Variants in ADD3 observed in about 807,000 individuals in gnomAD.
The protein encoded by ADD3 is adducin 3.
Under a neutral mutation model 80.2 loss-of-function variants are expected in ADD3, and 25 were observed. The observed-to-expected ratio is 0.31, with a 90% CI of 0.23 to 0.44. The LOEUF is 0.44. Among genes scored for constraint, ADD3 ranks in the 20% least tolerant of loss-of-function variants. ADD3 has a pLI of 1.00. For synonymous variants in ADD3, 284 were observed against 289.6 expected, an observed-to-expected ratio of 0.98 and a Z score of 0.20; for missense variants, 829 against 847.5, an observed-to-expected ratio of 0.98 and a Z score of 0.27.
At chr10:110,038,922 A>G (rs959237897) in intron 1 of ADD3, among the ~76,000 whole-genome samples, 2 of 152,202 alleles carry the variant, frequency 1.3e-5, no homozygotes, top group Non-Finnish European at 2.9e-5. Flanking sequence ...ATGGGCTATA[A>G]TATGTGTAAT....
rs550567016 is a variant in ADD3, at chr10:110,115,777, A to C, written c.335-482A>C. On this transcript the variant is annotated intron_variant, in intron 3 of 14. Coordinates refer to ENST00000356080, the MANE Select transcript of ADD3 (RefSeq NM_016824.5). ...AACAGCTGAACTTGGCAATTAGATC[A>C]TTAGAGACCTTCAAGACCTTCAATA... Among the ~76,000 whole-genome samples the C allele has an allele frequency of 7.9e-4, 121 of 152,366 alleles. 1 individual carries two copies. Among genetic ancestry groups the C allele is most frequent in the African/African-American group, 2.8e-3 (117 of 41,590 alleles).
At chr10:110,007,744 G>A (rs1050114142), upstream of ADD3, among the ~76,000 whole-genome samples, 5 of 152,130 alleles carry the variant, frequency 3.3e-5, no homozygotes, top group East Asian at 7.8e-4. Flanking sequence ...GCGGGGGCGG[G>A]ACCAGGACTC....
rs753037526 is a variant in ADD3, at chr10:110,061,736, C to G, written c.-29-38889C>G. On this transcript the variant is annotated intron_variant, in intron 1 of 14. Coordinates refer to ENST00000356080, the MANE Select transcript of ADD3 (RefSeq NM_016824.5). ...TTTCTAGTCTGAGATACATTCTACA[C>G]TAGACCCATTATAGGATATTAGAAT... Among the ~76,000 whole-genome samples, 6 of 152,190 alleles carry G rather than the reference C, an allele frequency of 3.9e-5. No homozygotes were observed. The South Asian group carries it at 1.2e-3, about 31-fold the overall frequency.
chr10:110,126,932 T>C (rs1291847607), intron 12 of ADD3, among the ~76,000 whole-genome samples: 1 of 152,242 alleles, frequency 6.6e-6, no homozygotes, highest in African/African-American at 2.4e-5. Context: ...ATCTGTGTTA[T>C]CCGTTATAAG....
intron 1 of ADD3, among the ~76,000 whole-genome samples, chr10:110,019,445 C>T (rs924014761): frequency 1.3e-5 from 2 of 151,760 alleles, no homozygotes; most frequent in African/African-American, 2.4e-5. Flanking sequence ...ACCTCCACCT[C>T]CTGGGTTCAC....
chr10:110,054,375 T>G (rs1857880213), intron 1 of ADD3, among the ~76,000 whole-genome samples: 1 of 151,782 alleles, frequency 6.6e-6, no homozygotes, highest in African/African-American at 2.4e-5. Flanking sequence ...TTAGAAGCCC[T>G]AGATTGATAA....
At chr10:110,014,164 AG>A (rs1180305419) in intron 1 of ADD3, among the ~76,000 whole-genome samples, 1 of 152,218 alleles carries the variant, frequency 6.6e-6, no homozygotes, top group Non-Finnish European at 1.5e-5. Context: ...AGGCCTCCCC[AG>A]GGACTTCTAA....
chr10:110,033,410 G>A (rs1028432727), intron 1 of ADD3, among the ~76,000 whole-genome samples: 2 of 152,200 alleles, frequency 1.3e-5, no homozygotes, highest in Non-Finnish European at 2.9e-5. Flanking sequence ...AAGAGAATAT[G>A]TTCATGTCGC....
intron 1 of ADD3, among the ~76,000 whole-genome samples, chr10:110,093,376 G>A (rs530135115): frequency 6.6e-6 from 1 of 152,194 alleles, no homozygotes; most frequent in Admixed American, 6.5e-5. Context: ...GTCCCAACAG[G>A]ATATTTTTCT....
At chr10:110,068,925 A>G (rs1844328494) in intron 1 of ADD3, among the ~76,000 whole-genome samples, 1 of 151,914 alleles carries the variant, frequency 6.6e-6, no homozygotes, top group African/African-American at 2.4e-5. Context: ...AAAAATAGAA[A>G]AATTAGCTGG....
chr10:110,103,398 A>G (rs1376421966), intron 2 of ADD3, among the ~76,000 whole-genome samples: 1 of 152,226 alleles, frequency 6.6e-6, no homozygotes, highest in Non-Finnish European at 1.5e-5. Flanking sequence ...GGCTGCTGTC[A>G]TTTGAACACT....
intron 1 of ADD3, among the ~76,000 whole-genome samples, chr10:110,036,568 C>T (rs962426723): frequency 2.0e-5 from 3 of 151,732 alleles, no homozygotes; most frequent in Admixed American, 2.0e-4. Context: ...TTAGTAGAGA[C>T]GGGGTTTCAC....
chr10:110,004,218 C>T (rs1328085538), upstream of ADD3, among the ~76,000 whole-genome samples: 1 of 151,612 alleles, frequency 6.6e-6, no homozygotes, highest in African/African-American at 2.4e-5. Context: ...TCTTTTAATT[C>T]TCTCCCTGTA....
intron 1 of ADD3, among the ~76,000 whole-genome samples, chr10:110,071,040 G>A (rs908085355): frequency 6.0e-5 from 9 of 149,594 alleles, no homozygotes; most frequent in Non-Finnish European, 4.4e-5. Context: ...AGTGTTTGAA[G>A]CTAAGTGCTT....
At chr10:110,003,149 T>C (rs1197509732), upstream of ADD3, among the ~76,000 whole-genome samples, 1 of 152,152 alleles carries the variant, frequency 6.6e-6, no homozygotes, top group East Asian at 1.9e-4. Flanking sequence ...TACTTTTCTG[T>C]CTGAGAGCTT....
At chr10:110,050,992 C>G (rs1237343295) in intron 1 of ADD3, among the ~76,000 whole-genome samples, 3 of 152,062 alleles carry the variant, frequency 2.0e-5, no homozygotes, top group Admixed American at 6.5e-5. Context: ...TAATATTGTC[C>G]CAGAAAGTAA....
chr10:110,031,482 T>A (rs1044693974), intron 1 of ADD3, among the ~76,000 whole-genome samples: 1 of 152,196 alleles, frequency 6.6e-6, no homozygotes, highest in Non-Finnish European at 1.5e-5. Flanking sequence ...AGAATGGAAT[T>A]CCAACCTAAG....
At chr10:110,024,424 A>G (rs986516905) in intron 1 of ADD3, among the ~76,000 whole-genome samples, 3 of 152,248 alleles carry the variant, frequency 2.0e-5, no homozygotes, top group African/African-American at 7.2e-5. Flanking sequence ...AATCCAATCC[A>G]GTAAGACTTT....
chr10:110,119,226 T>G lies in ADD3; in HGVS notation c.733T>G (p.Cys245Gly). The G allele has an allele frequency of 6.2e-7, 1 of 1,614,104 alleles. No homozygotes were observed. Among genetic ancestry groups the G allele is most frequent in the Non-Finnish European group, 8.5e-7 (1 of 1,179,990 alleles). Residue 245 changes from cysteine (C) to glycine (G), a missense_variant, in exon 7 of 15, where the codon TGT becomes GGT. Physicochemically the swap from Cys to Gly is radical, Grantham distance 159. Coordinates refer to ENST00000356080, the MANE Select transcript of ADD3 (RefSeq NM_016824.5). ...AACCAAATAGGTATCCTCCATGAAA[T>G]GTGGGATCCTTCCAATTTCTCAAGA... ...LATAAVSSMK[C>G]GILPISQESL...
Sources: allele counts gnomAD v4.1 joint callset (sites outside exome capture counted in the v4.1 genomes callset), GRCh38; gene constraint gnomAD v4.1.1; transcripts MANE v1.5; gene names NCBI Gene and HGNC (gene_info 2026-07-23, HGNC 2026-07-21).